DGKI: variants seen among roughly 807,000 people sequenced by gnomAD.
DGKI encodes the protein DAG kinase iota.
Under a neutral mutation model 147.5 loss-of-function variants are expected in DGKI, and 55 were observed. The observed-to-expected ratio is 0.37, with a 90% CI of 0.30 to 0.47. The LOEUF (loss-of-function observed/expected upper bound fraction) is 0.47. DGKI is among the 20% of genes least tolerant of loss of function. The pLI, the probability that DGKI is intolerant of heterozygous loss-of-function variation, is 1.00. For synonymous variants in DGKI, 469 were observed against 477.1 expected (o/e 0.98, Z 0.22); for missense variants, 1,007 against 1,323.8 (o/e 0.76, Z 3.71).
rs145321983 is a variant in DGKI, at chr7:137,577,668, C to T, written c.1699-384G>A. ...CACAGGGTTTGACTTCCATAAACTA[C>T]GTATGCAGCTCCCAAACGCCTTTTA... On this transcript the variant is annotated intron_variant, in intron 16 of 32. Coordinates refer to ENST00000614521, the MANE Select transcript of DGKI (RefSeq NM_001321708.2). 9.9e-4 allele frequency among the ~76,000 whole-genome samples: 151 copies of T among 152,294 alleles called. 1 individual carries two copies. Among genetic ancestry groups the T allele is most frequent in the African/African-American group, 3.4e-3 (141 of 41,568 alleles).
In DGKI at chr7:137,385,885, A is replaced by G. The variant is rs534215112; in HGVS notation, c.*5335T>C. On this transcript the variant is annotated 3_prime_UTR_variant, in exon 33 of 33. Coordinates refer to ENST00000614521, the MANE Select transcript of DGKI (RefSeq NM_001321708.2). ...TCCTGCACTGCACTTATCACATTGG[A>G]ATTTGTCTTTTCTTCTAGATGCCAG... 1 of 152,192 alleles carries G rather than the reference A, an allele frequency of 6.6e-6. No homozygotes were observed. The highest frequency in any genetic ancestry group is 2.4e-5 in the African/African-American group (1 of 41,550). 9.4% of individuals were successfully genotyped at this position (152,192 alleles called of 1,614,324 possible). A position where few individuals can be genotyped will look rare whatever the true frequency, so the allele number is the denominator to read the frequency against.
At chr7:137,684,175 G>A (rs903584848) in intron 2 of DGKI, among the ~76,000 whole-genome samples, 3 of 152,204 alleles carry the variant, frequency 2.0e-5, no homozygotes, top group African/African-American at 7.2e-5. Context: ...CACCATGTTG[G>A]ATGTTTTAGA....
intron 1 of DGKI, chr7:137,722,594 T>A (rs1402619503): frequency 5.7e-6 from 9 of 1,576,822 alleles, no homozygotes; most frequent in Admixed American, 1.7e-5. Flanking sequence ...AAAATCGATA[T>A]CAGCAATGTA....
At chr7:137,702,004 C>T (rs1824000691) in intron 1 of DGKI, among the ~76,000 whole-genome samples, 1 of 152,068 alleles carries the variant, frequency 6.6e-6, no homozygotes. Context: ...TCAAATATAA[C>T]CCCCACATGT....
chr7:137,553,911 C>T (rs1374674119), intron 19 of DGKI, among the ~76,000 whole-genome samples: 2 of 152,132 alleles, frequency 1.3e-5, no homozygotes, highest in Admixed American at 6.5e-5. Context: ...AAATGTAAAA[C>T]CTGCCTGGTA....
chr7:137,667,127 GTTA>G (rs1302946136), intron 3 of DGKI, among the ~76,000 whole-genome samples: 2 of 152,064 alleles, frequency 1.3e-5, no homozygotes, highest in Non-Finnish European at 2.9e-5. Context: ...GCTCTTCAAG[GTTA>G]TTATTTGTGC....
At chr7:137,804,502 T>C (rs1797306245) in intron 1 of DGKI, among the ~76,000 whole-genome samples, 1 of 152,186 alleles carries the variant, frequency 6.6e-6, no homozygotes, top group Admixed American at 6.5e-5. Flanking sequence ...TAAATACAAC[T>C]AGACCAGCTA....
At position 137,391,132 on chromosome 7, in the gene DGKI, C is replaced by T; in HGVS notation, c.*88G>A. 1 of 987,474 alleles carries T rather than the reference C, an allele frequency of 1.0e-6. No individual in the cohort carries two copies. The highest frequency in any genetic ancestry group is 1.6e-6 in the Non-Finnish European group (1 of 612,462). 61.2% of individuals were successfully genotyped at this position (987,474 alleles called of 1,614,324 possible). A position where few individuals can be genotyped will look rare whatever the true frequency, so the allele number is the denominator to read the frequency against. ...CAGGAGAGAGACAGATATATGAATT[C>T]CATCAGCTTCTTCCAGGGGAGCTGC... On this transcript the variant is annotated 3_prime_UTR_variant, in exon 33 of 33. Transcript: ENST00000614521.
chr7:137,502,479 G>C (rs1338525396), intron 21 of DGKI, among the ~76,000 whole-genome samples: 1 of 151,742 alleles, frequency 6.6e-6, no homozygotes, highest in Non-Finnish European at 1.5e-5. Flanking sequence ...TGAAAAAGGA[G>C]GAGAAGGAAG....
At chr7:137,528,910 A>G (rs950766278) in intron 20 of DGKI, among the ~76,000 whole-genome samples, 33 of 152,152 alleles carry the variant, frequency 2.2e-4, no homozygotes, top group African/African-American at 6.8e-4. Context: ...CACCATTTTT[A>G]GGGAATTGGC....
chr7:137,772,920 A>G (rs557779188), intron 1 of DGKI, among the ~76,000 whole-genome samples: 19 of 152,298 alleles, frequency 1.2e-4, no homozygotes, highest in African/African-American at 4.1e-4. Flanking sequence ...AGCACTAGAC[A>G]ATGGGGGTGG....
intron 4 of DGKI, among the ~76,000 whole-genome samples, chr7:137,656,002 C>A (rs950796069): frequency 6.6e-6 from 1 of 152,208 alleles, no homozygotes; most frequent in African/African-American, 2.4e-5. Flanking sequence ...AGGAGCACTG[C>A]CCCAGCAGAG....
chr7:137,770,999 A>G (rs1796178829), intron 1 of DGKI, among the ~76,000 whole-genome samples: 2 of 152,224 alleles, frequency 1.3e-5, no homozygotes, highest in South Asian at 4.1e-4. Context: ...GAATCTGTGT[A>G]ATCGTCAGCT....
At chr7:137,437,866 A>C (rs1813341025) in intron 28 of DGKI, among the ~76,000 whole-genome samples, 1 of 152,150 alleles carries the variant, frequency 6.6e-6, no homozygotes, top group Admixed American at 6.5e-5. Context: ...AAATGAATGA[A>C]AATGAAATAG....
intron 2 of DGKI, among the ~76,000 whole-genome samples, chr7:137,682,692 A>C (rs1332693424): frequency 2.0e-5 from 3 of 152,198 alleles, no homozygotes; most frequent in East Asian, 1.9e-4. Flanking sequence ...TTATTTCCCC[A>C]GTCTCTCTTG....
intron 6 of DGKI, among the ~76,000 whole-genome samples, chr7:137,640,549 C>T (rs1821588053): frequency 6.6e-6 from 1 of 152,182 alleles, no homozygotes; most frequent in African/African-American, 2.4e-5. Flanking sequence ...TGGATCCTCA[C>T]CCTTAAACGT....
At chr7:137,493,186 G>T (rs976229851) in intron 21 of DGKI, among the ~76,000 whole-genome samples, 1 of 152,118 alleles carries the variant, frequency 6.6e-6, no homozygotes, top group Non-Finnish European at 1.5e-5. Context: ...ATGAAGATCA[G>T]TAGCCCCACT....
At chr7:137,486,244 G>A (rs144689073) in intron 22 of DGKI, among the ~76,000 whole-genome samples, 2 of 152,082 alleles carry the variant, frequency 1.3e-5, no homozygotes, top group South Asian at 2.1e-4. Flanking sequence ...GGTGCATTAA[G>A]CATGCTATTA....
Position 137,568,911 on chromosome 7 carries a change from C to A in DGKI, c.1947+2264G>T, listed in dbSNP as rs576218866. Among the ~76,000 whole-genome samples, 5 of 147,628 alleles carry A rather than the reference C, an allele frequency of 3.4e-5. No homozygotes were observed. The East Asian group carries it at 9.8e-4, about 29-fold the overall frequency. On this transcript the variant is annotated intron_variant, in intron 19 of 32. Coordinates refer to ENST00000614521, the MANE Select transcript of DGKI (RefSeq NM_001321708.2). Reference sequence around the variant, plus strand: ...TATAATAAAAATTATACTAATTATACAATTGTTAGAAAAAAAAAACACCCA... The same window carrying A: ...TATAATAAAAATTATACTAATTATAAAATTGTTAGAAAAAAAAAACACCCA...
Sources: gnomAD v4.1 joint callset for allele counts (sites outside exome capture counted in the v4.1 genomes callset) on GRCh38, gnomAD v4.1.1 for gene constraint, MANE v1.5 for transcripts, NCBI Gene and HGNC (gene_info 2026-07-23, HGNC 2026-07-21) for gene names.